FAT3: variants seen among roughly 807,000 people sequenced by gnomAD.
The protein encoded by FAT3 is FAT atypical cadherin 3.
A neutral mutation model predicts 310.2 loss-of-function variants in FAT3; 95 were observed. The observed-to-expected ratio is 0.31, with a 90% CI of 0.26 to 0.36. The LOEUF is 0.36. FAT3 is among the 10% of genes least tolerant of loss of function. The probability of loss-of-function intolerance (pLI) is 1.00; values close to 1 mark genes in which losing one functional copy is unlikely to be tolerated. For synonymous variants in FAT3, 2,314 were observed against 2,192.9 expected (o/e 1.06, Z -1.54); for missense variants, 5,408 against 5,715.6 (o/e 0.95, Z 1.74).
chr11:92,465,812 T>C (rs1951744995), intron 2 of FAT3, among the ~76,000 whole-genome samples: 2 of 151,868 alleles, frequency 1.3e-5, no homozygotes, highest in Non-Finnish European at 2.9e-5. Flanking sequence ...TGTATACATA[T>C]GTAACAAACC....
At chr11:92,745,172 G>A (rs1945621055) in intron 4 of FAT3, among the ~76,000 whole-genome samples, 1 of 152,218 alleles carries the variant, frequency 6.6e-6, no homozygotes, top group Admixed American at 6.5e-5. Flanking sequence ...TAGAAGGGAA[G>A]CTACCAATAT....
At chr11:92,559,476 C>G (rs548842937) in intron 3 of FAT3, 1 of 383,928 alleles carries the variant, frequency 2.6e-6, no homozygotes, top group African/African-American at 2.1e-5. Flanking sequence ...TCTCGAACTC[C>G]TGGATTCAAG....
At chr11:92,226,718 C>G (rs938196026) in intron 1 of FAT3, among the ~76,000 whole-genome samples, 1 of 152,036 alleles carries the variant, frequency 6.6e-6, no homozygotes, top group Non-Finnish European at 1.5e-5. Flanking sequence ...CGGCCGGTGG[C>G]TCTGGCACGC....
At chr11:92,695,368 T>A (rs977575837) in intron 3 of FAT3, among the ~76,000 whole-genome samples, 5 of 152,062 alleles carry the variant, frequency 3.3e-5, no homozygotes, top group Admixed American at 2.6e-4. Context: ...GATGGTCAGC[T>A]AAGGAAGGAA....
intron 1 of FAT3, among the ~76,000 whole-genome samples, chr11:92,325,876 C>T (rs762937515): frequency 7.9e-5 from 12 of 152,158 alleles, no homozygotes; most frequent in Non-Finnish European, 1.5e-4. Flanking sequence ...GTGATCTGCC[C>T]GCCTGGGCCT....
chr11:92,523,182 T>C (rs1420930787), intron 2 of FAT3, among the ~76,000 whole-genome samples: 2 of 151,580 alleles, frequency 1.3e-5, no homozygotes, highest in Non-Finnish European at 2.9e-5. Flanking sequence ...TGTTGTTGCT[T>C]TTACTTCTCA....
At chr11:92,371,656 G>A (rs1325771692) in intron 2 of FAT3, among the ~76,000 whole-genome samples, 1 of 152,196 alleles carries the variant, frequency 6.6e-6, no homozygotes, top group Non-Finnish European at 1.5e-5. Context: ...GGTGGAGGTT[G>A]CAGTAAGCAG....
At chr11:92,683,336 T>C (rs1943541850) in intron 3 of FAT3, among the ~76,000 whole-genome samples, 1 of 152,212 alleles carries the variant, frequency 6.6e-6, no homozygotes, top group Admixed American at 6.5e-5. Flanking sequence ...TCCAACAATA[T>C]GTAAAACAAA....
At chr11:92,311,472 A>G (rs781010656) in intron 1 of FAT3, among the ~76,000 whole-genome samples, 3 of 152,166 alleles carry the variant, frequency 2.0e-5, no homozygotes, top group Non-Finnish European at 4.4e-5. Flanking sequence ...ATATGTTGGG[A>G]TACCCAATTT....
intron 2 of FAT3, among the ~76,000 whole-genome samples, chr11:92,452,453 A>G (rs565238456): frequency 6.6e-6 from 1 of 152,282 alleles, no homozygotes; most frequent in South Asian, 2.1e-4. Context: ...GTCCTTCGAA[A>G]TTATGAAGGA....
intron 3 of FAT3, among the ~76,000 whole-genome samples, chr11:92,530,473 A>G (rs1401069489): frequency 2.6e-5 from 4 of 152,060 alleles, no homozygotes; most frequent in South Asian, 2.1e-4. Context: ...CACTCCCAAA[A>G]TCAACTCCCA....
chr11:92,418,419 A>AAC (rs1950461660), intron 2 of FAT3, among the ~76,000 whole-genome samples: 1 of 39,490 alleles, frequency 2.5e-5, no homozygotes, highest in Non-Finnish European at 5.5e-5. Context: ...AAAGTTAAAC[A>AAC]CCCCCCCCAC....
intron 2 of FAT3, among the ~76,000 whole-genome samples, chr11:92,412,548 T>A (rs2134928846): frequency 6.7e-6 from 1 of 148,496 alleles, no homozygotes; most frequent in South Asian, 2.2e-4. Flanking sequence ...GTACCAACCA[T>A]TGTCTGGAGA....
chr11:92,395,974 C>T (rs1214140958), intron 2 of FAT3, among the ~76,000 whole-genome samples: 1 of 152,066 alleles, frequency 6.6e-6, no homozygotes, highest in Non-Finnish European at 1.5e-5. Context: ...AGTATAAATT[C>T]ATTTGGGTGT....
chr11:92,795,698 G>T (rs574782192), intron 9 of FAT3, among the ~76,000 whole-genome samples: 1 of 152,170 alleles, frequency 6.6e-6, no homozygotes, highest in Admixed American at 6.5e-5. Context: ...ATCACTTGAG[G>T]TCAGAAGTCT....
rs536098467 is a variant in FAT3, at chr11:92,438,901, G to T, written c.3292+83497G>T. 5.3e-5 allele frequency among the ~76,000 whole-genome samples: 8 copies of T among 152,286 alleles called. No individual in the cohort carries two copies. In the South Asian group the frequency reaches 1.7e-3, roughly 32 times the overall value. ...GGCTTCTACTGTGCACCAGTAGATT[G>T]TAGTACCATGAAAGGTTTGGCTACA... On this transcript the variant is annotated intron_variant, in intron 2 of 27. Transcript: ENST00000525166.
intron 4 of FAT3, among the ~76,000 whole-genome samples, chr11:92,745,689 C>G (rs1945644384): frequency 6.6e-6 from 1 of 151,984 alleles, no homozygotes; most frequent in Non-Finnish European, 1.5e-5. Flanking sequence ...CAGCTGCTGC[C>G]AAAGTGAATT....
rs759120047 is a variant in FAT3 at position 92,800,712 on chromosome 11, G to A, written c.7699G>A (p.Asp2567Asn). The A allele has an allele frequency of 7.4e-6, 12 of 1,613,882 alleles. No individual in the cohort carries two copies. Among genetic ancestry groups the A allele is most frequent in the South Asian group, 1.1e-5 (1 of 91,056 alleles). ...AGACCGGGAAAACCCTCTAGAAGGG[G>A]ATGTTAGTATTTTTGTGAGGGCCCT... The part of the protein sequence containing the change: ...RLDRENPLEG[D>N]VSIFVRALDG... Residue 2567 changes from aspartate to asparagine, a missense_variant, in exon 10 of 28, where the codon GAT becomes AAT. Transcript: ENST00000525166.
At chr11:92,561,878 AGCCTCCCAAAGT>A (rs1419324038) in intron 3 of FAT3, among the ~76,000 whole-genome samples, 1 of 152,138 alleles carries the variant, frequency 6.6e-6, no homozygotes, top group Admixed American at 6.5e-5. Flanking sequence ...CACCCATCTC[AGCCTCCCAAAGT>A]GCTGGGATTA....
Sources: gnomAD v4.1 joint callset for allele counts (sites outside exome capture counted in the v4.1 genomes callset) on GRCh38, gnomAD v4.1.1 for gene constraint, MANE v1.5 for transcripts, NCBI Gene and HGNC (gene_info 2026-07-23, HGNC 2026-07-21) for gene names.